The following MRPS6 variants were observed in gnomAD, a reference collection of about 807,000 sequenced individuals.
MRPS6 encodes small ribosomal subunit protein bS6m.
MRPS6 carries 6 observed loss-of-function variants against 13.1 expected under a neutral mutation model. That is an observed-to-expected ratio of 0.46 (90% CI 0.25 to 0.91). The LOEUF is 0.91. Among genes scored for constraint, MRPS6 ranks in the 40% least tolerant of loss-of-function variants. MRPS6 has a pLI of 0.18. For synonymous variants in MRPS6, 61 were observed against 56.5 expected (o/e 1.08, Z -0.36); for missense variants, 164 against 155.6 (o/e 1.05, Z -0.29).
chr21:34,075,287 C>A (rs1340858620), intron 1 of MRPS6, among the ~76,000 whole-genome samples: 1 of 152,222 alleles, frequency 6.6e-6, no homozygotes, highest in Non-Finnish European at 1.5e-5. Flanking sequence ...ATAATATTTG[C>A]TCATTCTGTA....
At chr21:34,103,205 A>G in intron 1 of MRPS6, 1 of 999,952 alleles carries the variant, frequency 1.0e-6, no homozygotes, top group Non-Finnish European at 1.2e-6. Flanking sequence ...TGTTTGGATT[A>G]GTGCCTTCTG....
intron 1 of MRPS6, among the ~76,000 whole-genome samples, chr21:34,120,280 C>T (rs1980073984): frequency 6.6e-6 from 1 of 152,118 alleles, no homozygotes; most frequent in Non-Finnish European, 1.5e-5. Flanking sequence ...CAACAGCCAT[C>T]CTGTATCTAT....
intron 2 of MRPS6, among the ~76,000 whole-genome samples, chr21:34,133,690 T>C (rs939401694): frequency 2.0e-5 from 3 of 152,176 alleles, no homozygotes; most frequent in African/African-American, 7.2e-5. Context: ...ATGCTCTTGC[T>C]AGAGCCTCCC....
At chr21:34,135,580 G>A in intron 2 of MRPS6, 1 of 435,242 alleles carries the variant, frequency 2.3e-6, no homozygotes, top group Non-Finnish European at 4.5e-6. Flanking sequence ...AAGAGTGCCT[G>A]TGCACAGCAA....
At chr21:34,081,550 C>T (rs1049368866) in intron 1 of MRPS6, among the ~76,000 whole-genome samples, 1 of 152,134 alleles carries the variant, frequency 6.6e-6, no homozygotes, top group African/African-American at 2.4e-5. Flanking sequence ...TAAACAAAGA[C>T]TGGCATTGGG....
intron 1 of MRPS6, among the ~76,000 whole-genome samples, chr21:34,077,955 A>G (rs1457299050): frequency 6.6e-6 from 1 of 152,216 alleles, no homozygotes; most frequent in Non-Finnish European, 1.5e-5. Flanking sequence ...AGTAATGCCT[A>G]TGAAGTGCCT....
Position 34,073,649 on chromosome 21 carries a change from C to A in MRPS6, c.-52C>A. ...CACTGTCCCCGCCGTCCCGCCCCTT[C>A]GCGTCCCGGGAACCGGCTGGCTTCC... On this transcript the variant is annotated 5_prime_UTR_variant, in exon 1 of 3. Transcript: ENST00000399312. The A allele has an allele frequency of 6.7e-7, 1 of 1,489,378 alleles. No homozygotes were observed. Among genetic ancestry groups the A allele is most frequent in the Non-Finnish European group, 9.1e-7 (1 of 1,101,874 alleles). The allele number at this position is 1,489,378 out of a possible 1,614,324, so 92.3% of individuals were successfully genotyped here.
intron 2 of MRPS6, among the ~76,000 whole-genome samples, chr21:34,133,115 C>G (rs1054911978): frequency 1.3e-5 from 2 of 152,218 alleles, no homozygotes; most frequent in African/African-American, 4.8e-5. Flanking sequence ...TGCCACTTCT[C>G]TTTCATCCTC....
At chr21:34,099,014 C>G (rs1417111000) in intron 1 of MRPS6, 1 of 990,404 alleles carries the variant, frequency 1.0e-6, no homozygotes, top group Non-Finnish European at 1.2e-6. Flanking sequence ...TTTTTGTAGT[C>G]TATAAACTAG....
intron 1 of MRPS6, among the ~76,000 whole-genome samples, chr21:34,092,328 C>G (rs745801606): frequency 5.3e-5 from 8 of 149,978 alleles, no homozygotes; most frequent in Non-Finnish European, 8.9e-5. Context: ...TTACCAGGTG[C>G]TGGTCTCTGC....
At chr21:34,079,034 G>A (rs571384960) in intron 1 of MRPS6, among the ~76,000 whole-genome samples, 1 of 152,320 alleles carries the variant, frequency 6.6e-6, no homozygotes, top group African/African-American at 2.4e-5. Flanking sequence ...CTACCCTTGG[G>A]TTTGGAAAGT....
chr21:34,097,159 A>G, intron 1 of MRPS6: 1 of 1,614,098 alleles, frequency 6.2e-7, no homozygotes, highest in Non-Finnish European at 8.5e-7. Context: ...GGAGGTCGGT[A>G]CTGGAAGTTC....
At chr21:34,082,731 T>C (rs1238291577) in intron 1 of MRPS6, among the ~76,000 whole-genome samples, 3 of 152,132 alleles carry the variant, frequency 2.0e-5, no homozygotes, top group Non-Finnish European at 4.4e-5. Context: ...CTAACCTTCT[T>C]TTTTTGTCTT....
intron 1 of MRPS6, among the ~76,000 whole-genome samples, chr21:34,093,290 C>T (rs1243026472): frequency 6.6e-6 from 1 of 150,946 alleles, no homozygotes; most frequent in Non-Finnish European, 1.5e-5. Flanking sequence ...TTTATGCCAG[C>T]CGTTGACACT....
intron 1 of MRPS6, among the ~76,000 whole-genome samples, chr21:34,085,041 A>G (rs1374763554): frequency 6.6e-6 from 1 of 152,252 alleles, no homozygotes; most frequent in African/African-American, 2.4e-5. Context: ...CATTGATACG[A>G]TACTACCACC....
In MRPS6 at chr21:34,073,661, A is replaced by G; in HGVS notation, c.-40A>G. The stretch of plus-strand genomic sequence containing the variant: ...CGTCCCGCCCCTTCGCGTCCCGGGA[A>G]CCGGCTGGCTTCCGAGCCGCACTCG... On this transcript the variant is annotated 5_prime_UTR_variant, in exon 1 of 3. Coordinates refer to ENST00000399312, the MANE Select transcript of MRPS6 (RefSeq NM_032476.4). 1 of 1,504,302 alleles carries G rather than the reference A, an allele frequency of 6.6e-7. No homozygotes were observed. Among genetic ancestry groups the G allele is most frequent in the Non-Finnish European group, 9.0e-7 (1 of 1,116,732 alleles). The allele number at this position is 1,504,302 out of a possible 1,614,324, so 93.2% of individuals were successfully genotyped here.
At chr21:34,093,771 A>G (rs1460974564) in intron 1 of MRPS6, among the ~76,000 whole-genome samples, 1 of 152,226 alleles carries the variant, frequency 6.6e-6, no homozygotes, top group East Asian at 1.9e-4. Flanking sequence ...GAAGCCGTCA[A>G]ATTTTAATAC....
chr21:34,074,696 A>G (rs1044811464), intron 1 of MRPS6, among the ~76,000 whole-genome samples: 1 of 152,198 alleles, frequency 6.6e-6, no homozygotes, highest in Non-Finnish European at 1.5e-5. Flanking sequence ...CACCAGGTGT[A>G]ATAAAACAAA....
rs1487236933 is a variant in MRPS6 at position 34,073,729 on chromosome 21, T to A, written c.29T>A (p.Leu10Gln). 4 of 1,526,226 alleles carry A rather than the reference T, an allele frequency of 2.6e-6. No individual in the cohort carries two copies. The African/African-American group carries it at 4.3e-5, about 17-fold the overall frequency. The allele number at this position is 1,526,226 out of a possible 1,614,324, so 94.5% of individuals were successfully genotyped here. MPRYELALILKAMQRPETAA... is the reference protein window; with the variant it reads MPRYELALIQKAMQRPETAA... Reference sequence around the variant, plus strand: ...CCCCGCTACGAGCTGGCTTTAATCCTGAAAGCCATGCAGCGGGTAAGTGAC... The same window carrying A: ...CCCCGCTACGAGCTGGCTTTAATCCAGAAAGCCATGCAGCGGGTAAGTGAC... Residue 10 changes from leucine to glutamine, a missense_variant, in exon 1 of 3, where the codon CTG becomes CAG. Coordinates refer to ENST00000399312, the MANE Select transcript of MRPS6 (RefSeq NM_032476.4).
Sources: gnomAD v4.1 joint callset for allele counts (sites outside exome capture counted in the v4.1 genomes callset) on GRCh38, gnomAD v4.1.1 for gene constraint, MANE v1.5 for transcripts, NCBI Gene and HGNC (gene_info 2026-07-23, HGNC 2026-07-21) for gene names.